Variants in TBCK observed in about 807,000 individuals in gnomAD.
TBCK encodes TBC domain-containing protein kinase-like protein.
A neutral mutation model predicts 113.4 loss-of-function variants in TBCK; 99 were observed. The observed-to-expected ratio is 0.87, with a 90% CI of 0.74 to 1.03. TBCK has a LOEUF of 1.03. TBCK is among the 50% of genes least tolerant of loss of function. TBCK has a pLI of 0.00. For synonymous variants in TBCK, 369 were observed against 370.8 expected (o/e 1.00, Z 0.05); for missense variants, 1,045 against 1,061.3 (o/e 0.98, Z 0.21).
At chr4:106,066,615 C>T (rs1736672131) in intron 25 of TBCK, among the ~76,000 whole-genome samples, 1 of 151,884 alleles carries the variant, frequency 6.6e-6, no homozygotes, top group South Asian at 2.1e-4. Context: ...CAACCATCAC[C>T]ACTAGTTATT....
In TBCK at chr4:106,262,204, G is replaced by T; in HGVS notation, c.275C>A (p.Thr92Lys). 6.5e-7 allele frequency: 1 copy of T among 1,534,736 alleles called. No homozygotes were observed. Among genetic ancestry groups the T allele is most frequent in the Non-Finnish European group, 8.8e-7 (1 of 1,135,514 alleles). The change falls in exon 4 of 26, where the codon ACG becomes AAG. Residue 92 changes from threonine (T) to lysine (K), a missense_variant. Coordinates refer to ENST00000394708, the MANE Select transcript of TBCK (RefSeq NM_001163435.3). ...LRERKPVSCS[T>K]VLCIAFEVLQ... ...AACCTCAAATGCTATACACAAAACC[G>T]TTGAACAGCTACAAAGAAAACAAAA...
chr4:106,075,801 T>C (rs918784189), intron 25 of TBCK, among the ~76,000 whole-genome samples: 1 of 152,216 alleles, frequency 6.6e-6, no homozygotes, highest in African/African-American at 2.4e-5. Flanking sequence ...ATCTTTAAAA[T>C]TGTTAATGTT....
intron 23 of TBCK, among the ~76,000 whole-genome samples, chr4:106,125,094 G>C (rs1443322954): frequency 6.6e-6 from 1 of 152,068 alleles, no homozygotes; most frequent in Non-Finnish European, 1.5e-5. Flanking sequence ...GTAAGGATGT[G>C]GAGAAAGGAG....
chr4:106,308,779 C>T lies in TBCK; in HGVS notation c.182G>A (p.Arg61Lys). ...PRLCQYVDIS[R>K]GKHERLVVVA... ...AGAAAATAACTTACCATGCTTTCCCCTAGAAATATCCACATACTGGCAGAG... is the reference window on the plus strand; with the variant it reads ...AGAAAATAACTTACCATGCTTTCCCTTAGAAATATCCACATACTGGCAGAG... Residue 61 changes from arginine to lysine, a missense_variant, in exon 2 of 26, where the codon AGG becomes AAG. Physicochemically the swap from Arg to Lys is conservative, Grantham distance 26 (BLOSUM62 2). Transcript: ENST00000394708. The T allele has an allele frequency of 6.2e-7, 1 of 1,611,730 alleles. No individual in the cohort carries two copies. The highest frequency in any genetic ancestry group is 8.5e-7 in the Non-Finnish European group (1 of 1,179,368).
intron 3 of TBCK, among the ~76,000 whole-genome samples, chr4:106,290,326 T>C (rs188231516): frequency 0.013 from 2,049 of 152,088 alleles, 32 homozygotes; most frequent in South Asian, 0.073. Context: ...TACAGGCGCC[T>C]GCCACCACGC....
chr4:106,109,670 A>G (rs1027442683), intron 24 of TBCK, among the ~76,000 whole-genome samples: 11 of 152,190 alleles, frequency 7.2e-5, no homozygotes, highest in South Asian at 2.1e-4. Flanking sequence ...AACTATAAAA[A>G]CCCTGGAAGA....
intron 4 of TBCK, among the ~76,000 whole-genome samples, chr4:106,261,266 A>T (rs760199378): frequency 2.0e-5 from 3 of 151,896 alleles, no homozygotes; most frequent in Non-Finnish European, 4.4e-5. Flanking sequence ...AATGAGTACA[A>T]TTTTCTATTT....
At chr4:106,056,252 G>A (rs1235563129) in intron 25 of TBCK, among the ~76,000 whole-genome samples, 1 of 149,726 alleles carries the variant, frequency 6.7e-6, no homozygotes, top group Non-Finnish European at 1.5e-5. Flanking sequence ...GAGACTTTAA[G>A]GTCTTTTTTT....
chr4:106,049,083 A>G (rs1734522654), intron 25 of TBCK, among the ~76,000 whole-genome samples: 1 of 152,144 alleles, frequency 6.6e-6, no homozygotes, highest in African/African-American at 2.4e-5. Flanking sequence ...TCAATTATCC[A>G]TGTTAAATAC....
At chr4:106,294,917 A>G (rs1218047539) in intron 3 of TBCK, among the ~76,000 whole-genome samples, 177 bp downstream of exon 3, 1 of 114,166 alleles carries the variant, frequency 8.8e-6, no homozygotes, top group Non-Finnish European at 2.2e-5. Context: ...ACACTGGACT[A>G]TGTTAATGTT....
chr4:106,154,987 C>G (rs992069942), intron 23 of TBCK, among the ~76,000 whole-genome samples: 7 of 151,748 alleles, frequency 4.6e-5, no homozygotes, highest in Non-Finnish European at 8.8e-5. Flanking sequence ...ATCTATTACT[C>G]ATTAAAAGTC....
At chr4:106,299,197 T>C (rs1766653783) in intron 2 of TBCK, among the ~76,000 whole-genome samples, 1 of 152,110 alleles carries the variant, frequency 6.6e-6, no homozygotes, top group Admixed American at 6.6e-5. Flanking sequence ...AGATAACTGT[T>C]AGATGAATTA....
chr4:106,112,689 G>C (rs1306697638), intron 24 of TBCK, among the ~76,000 whole-genome samples: 2 of 152,118 alleles, frequency 1.3e-5, no homozygotes, highest in African/African-American at 2.4e-5. Context: ...TTCAGCATTT[G>C]CTAGATCAAC....
At chr4:106,217,303 G>A (rs1201331360) in intron 19 of TBCK, among the ~76,000 whole-genome samples, 2 of 152,060 alleles carry the variant, frequency 1.3e-5, no homozygotes, top group East Asian at 3.8e-4. Context: ...TTTGAAAACT[G>A]GCACAAGACA....
intron 20 of TBCK, among the ~76,000 whole-genome samples, chr4:106,199,147 T>A (rs1444033323): frequency 6.6e-6 from 1 of 152,152 alleles, no homozygotes; most frequent in Non-Finnish European, 1.5e-5. Context: ...ATCAAGTTCT[T>A]GCCTCCACCT....
At chr4:106,313,132 C>T (rs577440389) in intron 1 of TBCK, among the ~76,000 whole-genome samples, 59 of 152,200 alleles carry the variant, frequency 3.9e-4, no homozygotes, top group Middle Eastern at 3.2e-3. Flanking sequence ...CACTGCTATA[C>T]ATTTTCAAAG....
intron 19 of TBCK, among the ~76,000 whole-genome samples, chr4:106,221,186 T>C (rs1757636081): frequency 6.6e-6 from 1 of 152,210 alleles, no homozygotes; most frequent in African/African-American, 2.4e-5. Flanking sequence ...GGTTTCACCC[T>C]GTTTGCCAGG....
Position 106,109,008 on chromosome 4 carries a change from GACAC to G in TBCK, c.2411+7191_2411+7194del, listed in dbSNP as rs1217614549. ...CAGAAAGGCAATCCCATTCACAACTGACACACACATACACACACACACACACACA... is the reference window on the plus strand; with the variant it reads ...CAGAAAGGCAATCCCATTCACAACTGACACATACACACACACACACACACA... On this transcript the variant is annotated intron_variant, in intron 24 of 25. Coordinates refer to ENST00000394708, the MANE Select transcript of TBCK (RefSeq NM_001163435.3). 3.7e-5 allele frequency among the ~76,000 whole-genome samples: 5 copies of G among 136,256 alleles called. No homozygotes were observed. The Admixed American group carries it at 4.0e-4, about 11-fold the overall frequency. 89.4% of individuals were successfully genotyped at this position (136,256 alleles called of 152,430 possible). A position where few individuals can be genotyped will look rare whatever the true frequency, so the allele number is the denominator to read the frequency against.
At chr4:106,276,007 C>T (rs139742876) in intron 3 of TBCK, among the ~76,000 whole-genome samples, 6 of 152,200 alleles carry the variant, frequency 3.9e-5, no homozygotes, top group Admixed American at 2.6e-4. Flanking sequence ...TATTTACTGA[C>T]TTGAAGATTT....
Sources: allele counts gnomAD v4.1 joint callset (sites outside exome capture counted in the v4.1 genomes callset), GRCh38; gene constraint gnomAD v4.1.1; transcripts MANE v1.5; gene names NCBI Gene and HGNC (gene_info 2026-07-23, HGNC 2026-07-21).